The following SLC16A9 variants were observed in gnomAD, a reference collection of about 807,000 sequenced individuals.
The protein encoded by SLC16A9 is solute carrier family 16 member 9, also known as monocarboxylate transporter 9.
SLC16A9 carries 26 observed loss-of-function variants against 44.3 expected under a neutral mutation model. That is an observed-to-expected ratio of 0.59 (90% CI 0.43 to 0.81). SLC16A9 has a LOEUF of 0.81. SLC16A9 is among the 40% of genes least tolerant of loss of function. The pLI, the probability that SLC16A9 is intolerant of heterozygous loss-of-function variation, is 0.00. For synonymous variants in SLC16A9, 230 were observed against 225.1 expected, an observed-to-expected ratio of 1.02 and a Z score of -0.19; for missense variants, 559 against 595.8, an observed-to-expected ratio of 0.94 and a Z score of 0.64.
chr10:59,703,870 C>T (rs1840581329), intron 1 of SLC16A9, among the ~76,000 whole-genome samples: 2 of 152,200 alleles, frequency 1.3e-5, no homozygotes, highest in South Asian at 2.1e-4. Context: ...AGGTGCCCGC[C>T]ACCATGCCTG....
chr10:59,654,798 C>T (rs1839312654), intron 4 of SLC16A9, among the ~76,000 whole-genome samples: 1 of 152,160 alleles, frequency 6.6e-6, no homozygotes, highest in African/African-American at 2.4e-5. Context: ...AGCTCAGACA[C>T]TGTTAAGCAC....
chr10:59,697,960 A>C (rs1489335324), intron 1 of SLC16A9, among the ~76,000 whole-genome samples: 1 of 99,588 alleles, frequency 1.0e-5, no homozygotes, highest in Non-Finnish European at 2.6e-5. Context: ...CTGGGCACAC[A>C]GTAAAAAAAA....
At chr10:59,653,275 CATT>C (rs1298261240) in intron 5 of SLC16A9, among the ~76,000 whole-genome samples, 3 of 148,886 alleles carry the variant, frequency 2.0e-5, no homozygotes, top group Non-Finnish European at 4.5e-5. Flanking sequence ...CAACAAAAAA[CATT>C]AGCCGGGCGT....
chr10:59,683,103 A>G (rs1034133262), intron 2 of SLC16A9, among the ~76,000 whole-genome samples: 2 of 152,188 alleles, frequency 1.3e-5, no homozygotes, highest in Non-Finnish European at 2.9e-5. Context: ...AGAGCTGAAA[A>G]ATACCTTACA....
At chr10:59,681,966 C>T (rs1714722780) in intron 2 of SLC16A9, among the ~76,000 whole-genome samples, 1 of 151,160 alleles carries the variant, frequency 6.6e-6, no homozygotes, top group South Asian at 2.1e-4. Context: ...ATTATTTGCC[C>T]TCATTTTTCT....
At chr10:59,678,339 C>T (rs964207413) in intron 2 of SLC16A9, among the ~76,000 whole-genome samples, 1 of 151,510 alleles carries the variant, frequency 6.6e-6, no homozygotes, top group African/African-American at 2.4e-5. Flanking sequence ...GTTCCTCAAT[C>T]CTTGCTCCAG....
At chr10:59,697,976 A>C (rs542038220) in intron 1 of SLC16A9, among the ~76,000 whole-genome samples, 1,613 of 150,312 alleles carry the variant, frequency 0.011, 33 homozygotes, top group African/African-American at 0.037. Flanking sequence ...AAAAAAAACA[A>C]AAAACAAAAC....
chr10:59,703,079 A>T (rs184614381), intron 1 of SLC16A9, among the ~76,000 whole-genome samples: 126 of 152,350 alleles, frequency 8.3e-4, no homozygotes, highest in Middle Eastern at 3.4e-3. Flanking sequence ...AATCACACTA[A>T]TCGTTCCTGA....
chr10:59,694,912 C>T (rs1424999537), intron 1 of SLC16A9, among the ~76,000 whole-genome samples: 1 of 149,020 alleles, frequency 6.7e-6, no homozygotes, highest in Non-Finnish European at 1.5e-5. Flanking sequence ...ATCCAAATGC[C>T]CATCAACTGA....
intron 1 of SLC16A9, among the ~76,000 whole-genome samples, chr10:59,686,240 A>C (rs953423646): frequency 2.0e-5 from 3 of 152,106 alleles, no homozygotes; most frequent in Non-Finnish European, 4.4e-5. Context: ...ACCATATTTT[A>C]ATCTCTAATG....
At position 59,681,401 on chromosome 10, in the gene SLC16A9, A is replaced by G. The variant is rs12774071; in HGVS notation, c.196+2695T>C. Among the ~76,000 whole-genome samples the G allele has an allele frequency of 6.2e-3, 291 of 46,962 alleles. 15 individuals are homozygous for G. The highest frequency in any genetic ancestry group is 0.018 in the South Asian group (15 of 848). 30.8% of individuals were successfully genotyped at this position (46,962 alleles called of 152,430 possible). Reference sequence around the variant, plus strand: ...GAAACTTGTACACAATATCTAAAGTATATATATATGTATATGTATATGTAT... The same window carrying G: ...GAAACTTGTACACAATATCTAAAGTGTATATATATGTATATGTATATGTAT... On this transcript the variant is annotated intron_variant, in intron 2 of 5. Coordinates refer to ENST00000395348, the MANE Select transcript of SLC16A9 (RefSeq NM_194298.3).
intron 1 of SLC16A9, among the ~76,000 whole-genome samples, chr10:59,695,782 G>A (rs1444619808): frequency 2.6e-5 from 4 of 152,104 alleles, no homozygotes; most frequent in Admixed American, 2.6e-4. Context: ...TGAACAATGA[G>A]AAAAAAACAT....
rs867014930 is a variant in SLC16A9, at chr10:59,681,737, A to G, written c.196+2359T>C. ...ATGTATATGATGTATATGTATATGT[A>G]TATGATGTATATGTATATGTATATG... On this transcript the variant is annotated intron_variant, in intron 2 of 5. Transcript: ENST00000395348. Among the ~76,000 whole-genome samples the G allele has an allele frequency of 6.6e-4, 3 of 4,542 alleles. 1 individual carries two copies. The highest frequency in any genetic ancestry group is 6.8e-3 in the Admixed American group (1 of 146). 3.0% of individuals were successfully genotyped at this position (4,542 alleles called of 152,430 possible).
chr10:59,668,456 C>A (rs1035633731), intron 3 of SLC16A9, among the ~76,000 whole-genome samples: 9 of 152,144 alleles, frequency 5.9e-5, no homozygotes, highest in African/African-American at 2.2e-4. Context: ...AAGCATGAAG[C>A]CTCCACCCTC....
chr10:59,666,961 A>G (rs1170489225), intron 3 of SLC16A9, among the ~76,000 whole-genome samples: 1 of 152,044 alleles, frequency 6.6e-6, no homozygotes, highest in Non-Finnish European at 1.5e-5. Context: ...AAGATTTCTA[A>G]TGAGCTTTTT....
intron 3 of SLC16A9, among the ~76,000 whole-genome samples, chr10:59,671,562 T>C (rs1014981459): frequency 3.9e-5 from 6 of 152,208 alleles, no homozygotes; most frequent in South Asian, 2.1e-4. Context: ...TATTTAATTA[T>C]AGCACATATA....
chr10:59,677,846 A>T (rs1283662997), intron 2 of SLC16A9, among the ~76,000 whole-genome samples: 1 of 151,178 alleles, frequency 6.6e-6, no homozygotes, highest in Non-Finnish European at 1.5e-5. Context: ...ACCTCCACGC[A>T]CTTTTTTTTT....
At chr10:59,683,004 C>T (rs552530026) in intron 2 of SLC16A9, among the ~76,000 whole-genome samples, 4 of 151,986 alleles carry the variant, frequency 2.6e-5, no homozygotes, top group Non-Finnish European at 4.4e-5. Context: ...GGAGGCATTG[C>T]TTTTTTTGAA....
intron 2 of SLC16A9, among the ~76,000 whole-genome samples, chr10:59,678,807 T>G (rs1839922780): frequency 6.7e-6 from 1 of 150,012 alleles, no homozygotes. Flanking sequence ...CCTCCCAAAG[T>G]GCTGGGATTA....
Sources: allele counts gnomAD v4.1 joint callset (sites outside exome capture counted in the v4.1 genomes callset), GRCh38; gene constraint gnomAD v4.1.1; transcripts MANE v1.5; gene names NCBI Gene and HGNC (gene_info 2026-07-23, HGNC 2026-07-21).